TTC28: variants seen among roughly 807,000 people sequenced by gnomAD.
TTC28 encodes tetratricopeptide repeat protein 28.
In TTC28, 61 loss-of-function variants were observed where a neutral mutation model predicts 198.0. That is an observed-to-expected ratio of 0.31 (90% CI 0.25 to 0.38). The LOEUF (loss-of-function observed/expected upper bound fraction) is 0.38, where lower values mean the gene tolerates loss of function less well. Ranked by LOEUF, TTC28 falls within the 10% of genes least tolerant of loss-of-function variation. The pLI, the probability that TTC28 is intolerant of heterozygous loss-of-function variation, is 1.00. For missense variants in TTC28, 2,678 were observed against 3,164.0 expected (o/e 0.85, Z 3.69); for synonymous variants, 1,171 against 1,297.8 (o/e 0.90, Z 2.10).
At chr22:28,581,352 C>T (rs757415293) in intron 2 of TTC28, among the ~76,000 whole-genome samples, 2 of 152,108 alleles carry the variant, frequency 1.3e-5, no homozygotes, top group Admixed American at 6.5e-5. Flanking sequence ...TATAAATTAC[C>T]CAGCGTTAGG....
At chr22:28,165,156 C>A (rs1245537688) in intron 5 of TTC28, among the ~76,000 whole-genome samples, 2 of 152,162 alleles carry the variant, frequency 1.3e-5, no homozygotes, top group Non-Finnish European at 2.9e-5. Context: ...TGAACAAAGC[C>A]TCCAAGAAAT....
Position 28,161,959 on chromosome 22 carries a change from C to T in TTC28, c.1441+1133G>A, listed in dbSNP as rs149958606. 3.2e-3 allele frequency among the ~76,000 whole-genome samples: 492 copies of T among 152,188 alleles called. 3 individuals carry two copies. The highest frequency in any genetic ancestry group is 0.011 in the African/African-American group (475 of 41,512). On this transcript the variant is annotated intron_variant, in intron 6 of 22. Transcript: ENST00000397906. The stretch of plus-strand genomic sequence containing the variant: ...GGTGGCTAAGTTTTACATTCTGCTG[C>T]TACTCATATCTGATAAGCATATCAA...
intron 2 of TTC28, among the ~76,000 whole-genome samples, chr22:28,354,068 G>T (rs540309995): frequency 6.6e-6 from 1 of 152,288 alleles, no homozygotes; most frequent in African/African-American, 2.4e-5. Flanking sequence ...TTGCAACTGT[G>T]GTGCACCACA....
chr22:28,209,062 T>C (rs1926660896), intron 5 of TTC28, among the ~76,000 whole-genome samples: 1 of 152,196 alleles, frequency 6.6e-6, no homozygotes, highest in South Asian at 2.1e-4. Context: ...AAAAGGCCAT[T>C]GTTCTCATAC....
At chr22:28,659,802 AT>A (rs74654093) in intron 1 of TTC28, among the ~76,000 whole-genome samples, 19,756 of 146,496 alleles carry the variant, frequency 0.13, 1,598 homozygotes, top group East Asian at 0.35. Context: ...TCTGAAATGC[AT>A]TTTTTTTTTT....
chr22:28,215,622 A>G (rs1040711891), intron 5 of TTC28, among the ~76,000 whole-genome samples: 30 of 150,840 alleles, frequency 2.0e-4, no homozygotes, highest in African/African-American at 7.0e-4. Context: ...GTGTGTGTGT[A>G]TGTGTGTGTG....
intron 16 of TTC28, among the ~76,000 whole-genome samples, chr22:27,996,730 C>T (rs2345011): frequency 0.03 from 4,554 of 152,082 alleles, 82 homozygotes; most frequent in African/African-American, 0.043. Flanking sequence ...TGAGGAGCAC[C>T]GCATCCCACC....
intron 2 of TTC28, among the ~76,000 whole-genome samples, chr22:28,541,968 G>A (rs1601541720): frequency 1.3e-5 from 2 of 152,070 alleles, no homozygotes; most frequent in South Asian, 4.2e-4. Flanking sequence ...GCACACCTGT[G>A]GTCCTAACTA....
chr22:28,505,622 C>G (rs2146379256), intron 2 of TTC28, among the ~76,000 whole-genome samples: 1 of 152,332 alleles, frequency 6.6e-6, no homozygotes, highest in Non-Finnish European at 1.5e-5. Flanking sequence ...GGGTCCAATA[C>G]ACAGAGCTAT....
chr22:28,059,200 A>G (rs1940411793), intron 12 of TTC28, among the ~76,000 whole-genome samples: 3 of 151,844 alleles, frequency 2.0e-5, no homozygotes, highest in Admixed American at 2.0e-4. Flanking sequence ...TATATCACTG[A>G]CTTTCTACTT....
chr22:28,275,241 T>C (rs1342218384), intron 5 of TTC28, among the ~76,000 whole-genome samples: 13 of 152,194 alleles, frequency 8.5e-5, no homozygotes, highest in Non-Finnish European at 4.4e-5. Flanking sequence ...GGTAAAAGCT[T>C]TGGCAAAGAT....
intron 2 of TTC28, among the ~76,000 whole-genome samples, chr22:28,537,332 AT>A (rs1164337848): frequency 6.8e-6 from 1 of 148,070 alleles, no homozygotes; most frequent in African/African-American, 2.4e-5. Flanking sequence ...ATAAAATAAA[AT>A]AAAATAAAAA....
chr22:28,223,438 C>T (rs1478711582), intron 5 of TTC28, among the ~76,000 whole-genome samples: 12 of 152,162 alleles, frequency 7.9e-5, no homozygotes, highest in Non-Finnish European at 1.5e-5. Context: ...CATTGTTAAA[C>T]GTTTACAGGA....
chr22:28,158,147 A>G (rs1257906503), intron 6 of TTC28, among the ~76,000 whole-genome samples: 1 of 152,188 alleles, frequency 6.6e-6, no homozygotes, highest in Non-Finnish European at 1.5e-5. Flanking sequence ...AGAAATAAGA[A>G]AGGAATCTCA....
chr22:28,405,440 T>C (rs1032969448), intron 2 of TTC28, among the ~76,000 whole-genome samples: 3 of 152,134 alleles, frequency 2.0e-5, no homozygotes, highest in African/African-American at 7.2e-5. Context: ...TAAATGTGCA[T>C]ATACAAATAG....
intron 2 of TTC28, among the ~76,000 whole-genome samples, chr22:28,448,987 G>C (rs2047739650): frequency 6.6e-6 from 1 of 152,174 alleles, no homozygotes; most frequent in African/African-American, 2.4e-5. Context: ...GAGGAGGCAG[G>C]AGTCTGGTGG....
At chr22:28,371,996 G>T (rs951829795) in intron 2 of TTC28, among the ~76,000 whole-genome samples, 2 of 151,930 alleles carry the variant, frequency 1.3e-5, no homozygotes, top group Non-Finnish European at 2.9e-5. Context: ...GGCTAAGGTG[G>T]GAGGATTGCT....
chr22:28,390,956 G>C (rs1159568551), intron 2 of TTC28, among the ~76,000 whole-genome samples: 1 of 152,108 alleles, frequency 6.6e-6, no homozygotes, highest in African/African-American at 2.4e-5. Flanking sequence ...CTACATTTTG[G>C]CATGATTTTG....
chr22:28,546,790 A>T (rs2049552007), intron 2 of TTC28, among the ~76,000 whole-genome samples: 1 of 152,258 alleles, frequency 6.6e-6, no homozygotes, highest in South Asian at 2.1e-4. Flanking sequence ...ACCACTCAAC[A>T]ATAAAAAGGA....
Sources: allele counts gnomAD v4.1 joint callset (sites outside exome capture counted in the v4.1 genomes callset), GRCh38; gene constraint gnomAD v4.1.1; transcripts MANE v1.5; gene names NCBI Gene and HGNC (gene_info 2026-07-23, HGNC 2026-07-21).